The following LINGO2 variants were observed in gnomAD, a reference collection of about 807,000 sequenced individuals.
The protein encoded by LINGO2 is leucine-rich repeat and immunoglobulin-like domain-containing nogo receptor-interacting protein 2.
In LINGO2, 14 loss-of-function variants were observed where a neutral mutation model predicts 30.6. The ratio of observed to expected loss-of-function variants is 0.46; its 90% CI spans 0.30 to 0.72. The LOEUF is 0.72. Among genes scored for constraint, LINGO2 ranks in the 30% least tolerant of loss-of-function variants. LINGO2 has a pLI of 0.07. For missense variants in LINGO2, 729 were observed against 751.7 expected (o/e 0.97, Z 0.35); for synonymous variants, 317 against 288.5 (o/e 1.10, Z -1.00).
intron 4 of LINGO2, among the ~76,000 whole-genome samples, chr9:28,215,360 C>T (rs1820728128): frequency 6.6e-6 from 1 of 151,592 alleles, no homozygotes; most frequent in South Asian, 2.1e-4. Context: ...AAAATATGGG[C>T]AGTTGGCGAT....
chr9:28,730,031 C>A, the LINGO2 span, among the ~76,000 whole-genome samples: 14 of 151,988 alleles, frequency 9.2e-5, no homozygotes, highest in Admixed American at 8.5e-4. Flanking sequence ...GATACAAAAT[C>A]TAAAATAAAA....
chr9:28,033,723 ACAT>A (rs1338236439), intron 4 of LINGO2, among the ~76,000 whole-genome samples: 18 of 152,338 alleles, frequency 1.2e-4, no homozygotes, highest in Admixed American at 1.1e-3. Context: ...TACAAAGCTC[ACAT>A]CATGTGTGAA....
At chr9:28,321,251 C>G (rs914753008) in intron 3 of LINGO2, among the ~76,000 whole-genome samples, 2 of 152,042 alleles carry the variant, frequency 1.3e-5, no homozygotes, top group Admixed American at 6.6e-5. Flanking sequence ...AATCAAGAAG[C>G]CAGAGACCTG....
chr9:28,399,751 G>C (rs1822184953), intron 2 of LINGO2, among the ~76,000 whole-genome samples: 1 of 152,074 alleles, frequency 6.6e-6, no homozygotes, highest in African/African-American at 2.4e-5. Flanking sequence ...GCAGAGTTCT[G>C]AATTACATTA....
Position 28,233,030 on chromosome 9 carries a change from T to TTATATATATATATATATATATA in LINGO2, c.-87+62156_-87+62177dup, listed in dbSNP as rs1554690875. ...CTTCTCATGAGAGAGACAGTAAACA[T>TTATATATATATATATATATATA]TATATATATATATATATATATATAT... On this transcript the variant is annotated intron_variant, in intron 4 of 5. Coordinates refer to ENST00000379992, the Ensembl canonical transcript of LINGO2. 3.5e-3 allele frequency among the ~76,000 whole-genome samples: 273 copies of TTATATATATATATATATATATA among 77,556 alleles called. 3 individuals are homozygous for TTATATATATATATATATATATA. The highest frequency in any genetic ancestry group is 4.5e-3 in the Non-Finnish European group (199 of 44,456). The allele number at this position is 77,556 out of a possible 152,430, so 50.9% of individuals were successfully genotyped here. A position where few individuals can be genotyped will look rare whatever the true frequency, so the allele number is the denominator to read the frequency against.
At chr9:28,294,103 C>T (rs1273306718) in intron 4 of LINGO2, among the ~76,000 whole-genome samples, 1 of 152,146 alleles carries the variant, frequency 6.6e-6, no homozygotes, top group Non-Finnish European at 1.5e-5. Context: ...TTTATACTCT[C>T]ATGATATCAT....
At chr9:28,673,075 C>A (rs929943877), upstream of LINGO2, among the ~76,000 whole-genome samples, 5 of 152,064 alleles carry the variant, frequency 3.3e-5, no homozygotes, top group African/African-American at 1.2e-4. Flanking sequence ...ATAAAACTTA[C>A]AATAGCATTG....
At chr9:28,676,462 C>A in the LINGO2 span, among the ~76,000 whole-genome samples, 1 of 152,114 alleles carries the variant, frequency 6.6e-6, no homozygotes, top group Non-Finnish European at 1.5e-5. Context: ...ATAAACCATA[C>A]CACAAGAGAA....
the LINGO2 span, among the ~76,000 whole-genome samples, chr9:28,745,647 T>C: frequency 6.6e-6 from 1 of 152,070 alleles, no homozygotes; most frequent in Non-Finnish European, 1.5e-5. Flanking sequence ...ATTAAAAGAT[T>C]GATATGTGCC....
intron 4 of LINGO2, among the ~76,000 whole-genome samples, chr9:28,047,229 T>C (rs1343364847): frequency 6.6e-6 from 1 of 152,110 alleles, no homozygotes; most frequent in Non-Finnish European, 1.5e-5. Flanking sequence ...TAACAAATCT[T>C]TGGCTACCCA....
the LINGO2 span, among the ~76,000 whole-genome samples, chr9:29,008,270 G>A: frequency 1.3e-5 from 2 of 152,186 alleles, no homozygotes; most frequent in Admixed American, 6.6e-5. Flanking sequence ...CCTTTTTTAT[G>A]GCTGCACAGT....
At chr9:28,910,944 T>A in the LINGO2 span, among the ~76,000 whole-genome samples, 1 of 152,116 alleles carries the variant, frequency 6.6e-6, no homozygotes, top group Non-Finnish European at 1.5e-5. Flanking sequence ...GTTCAGATTA[T>A]ATGAATATGG....
the LINGO2 span, among the ~76,000 whole-genome samples, chr9:28,871,896 T>C: frequency 2.0e-5 from 3 of 152,048 alleles, no homozygotes; most frequent in Non-Finnish European, 4.4e-5. Context: ...TAATAATTTC[T>C]ACCTTATTTT....
chr9:28,737,835 C>G, the LINGO2 span, among the ~76,000 whole-genome samples: 1 of 152,046 alleles, frequency 6.6e-6, no homozygotes, highest in African/African-American at 2.4e-5. Flanking sequence ...CACACACAAA[C>G]ACACACACAT....
chr9:28,152,822 A>G (rs574705286), intron 4 of LINGO2, among the ~76,000 whole-genome samples: 1 of 152,342 alleles, frequency 6.6e-6, no homozygotes, highest in South Asian at 2.1e-4. Flanking sequence ...TGCTTGAAAC[A>G]TGACAACATG....
chr9:28,864,367 C>T, the LINGO2 span, among the ~76,000 whole-genome samples: 1 of 152,012 alleles, frequency 6.6e-6, no homozygotes, highest in African/African-American at 2.4e-5. Flanking sequence ...CTATATTATA[C>T]ATATTAGGTT....
At chr9:28,881,452 T>C in the LINGO2 span, among the ~76,000 whole-genome samples, 1 of 152,122 alleles carries the variant, frequency 6.6e-6, no homozygotes, top group African/African-American at 2.4e-5. Context: ...TTGTCAGTGA[T>C]CCACAAAAAG....
intron 2 of LINGO2, among the ~76,000 whole-genome samples, chr9:28,378,209 C>G (rs1821206205): frequency 6.6e-6 from 1 of 152,144 alleles, no homozygotes; most frequent in African/African-American, 2.4e-5. Context: ...GAAAGGTATC[C>G]TAACCTGTCC....
intron 2 of LINGO2, among the ~76,000 whole-genome samples, chr9:28,444,551 C>T (rs1027739899): frequency 4.6e-5 from 7 of 152,214 alleles, no homozygotes; most frequent in Non-Finnish European, 1.0e-4. Context: ...GAGTCCAGAC[C>T]TTGGGGCTCC....
Sources: gnomAD v4.1 joint callset for allele counts (sites outside exome capture counted in the v4.1 genomes callset) on GRCh38, gnomAD v4.1.1 for gene constraint, MANE v1.5 for transcripts, NCBI Gene and HGNC (gene_info 2026-07-23, HGNC 2026-07-21) for gene names.